HDAC9: variants seen among roughly 807,000 people sequenced by gnomAD.
HDAC9 encodes MEF-2 interacting transcription repressor (MITR) protein.
In HDAC9, 41 loss-of-function variants were observed where a neutral mutation model predicts 139.4. That is an observed-to-expected ratio of 0.29 (90% confidence interval 0.23 to 0.38). HDAC9 has a LOEUF of 0.38. Among genes scored for constraint, HDAC9 ranks in the 10% least tolerant of loss-of-function variants. The probability of loss-of-function intolerance (pLI) is 1.00; values close to 1 mark genes in which losing one functional copy is unlikely to be tolerated. For synonymous variants in HDAC9, 517 were observed against 476.2 expected (o/e 1.09, Z -1.12); for missense variants, 1,147 against 1,297.0 (o/e 0.88, Z 1.78).
intron 2 of HDAC9, among the ~76,000 whole-genome samples, chr7:18,180,071 A>G (rs573279724): frequency 3.0e-4 from 45 of 152,288 alleles, no homozygotes; most frequent in Admixed American, 2.7e-3. Flanking sequence ...TTTTGAGCAC[A>G]TAGAATTATG....
chr7:18,892,330 C>G (rs1800756733), intron 22 of HDAC9: 1 of 152,120 alleles, frequency 6.6e-6, no homozygotes, highest in African/African-American at 2.4e-5. Context: ...ACTACTTAAT[C>G]TTTATAACAA....
At chr7:18,817,106 C>T (rs910765194) in intron 17 of HDAC9, among the ~76,000 whole-genome samples, 13 of 150,432 alleles carry the variant, frequency 8.6e-5, no homozygotes, top group African/African-American at 3.2e-4. Flanking sequence ...GCGATCTGGG[C>T]TCACTGCAAG....
chr7:18,153,632 G>A (rs1786952243), intron 1 of HDAC9, among the ~76,000 whole-genome samples: 1 of 152,140 alleles, frequency 6.6e-6, no homozygotes, highest in Non-Finnish European at 1.5e-5. Flanking sequence ...CGTTACTTGA[G>A]CATGGAAACT....
intron 2 of HDAC9, among the ~76,000 whole-genome samples, chr7:18,252,867 A>C (rs1382386708): frequency 1.3e-5 from 2 of 152,140 alleles, no homozygotes; most frequent in Non-Finnish European, 2.9e-5. Context: ...TTCATCACCC[A>C]GGTATTAAGC....
intron 2 of HDAC9, among the ~76,000 whole-genome samples, chr7:18,177,751 G>A (rs900982317): frequency 6.6e-6 from 1 of 152,160 alleles, no homozygotes; most frequent in Non-Finnish European, 1.5e-5. Flanking sequence ...GGTGTATATA[G>A]AGTGAAGCAG....
intron 2 of HDAC9, among the ~76,000 whole-genome samples, chr7:18,180,308 A>T (rs994440289): frequency 6.6e-6 from 1 of 151,080 alleles, no homozygotes; most frequent in African/African-American, 2.4e-5. Context: ...TGCTGCTGTA[A>T]ATTCATTATA....
intron 1 of HDAC9, among the ~76,000 whole-genome samples, chr7:18,147,625 C>G (rs1786437384): frequency 6.9e-6 from 1 of 145,390 alleles, no homozygotes; most frequent in Non-Finnish European, 1.5e-5. Flanking sequence ...TTTGTCTTAC[C>G]TCAGGACTCA....
At position 18,315,048 on chromosome 7, in the gene HDAC9, G is replaced by A. The variant is rs1393531604; in HGVS notation, c.-42+24533G>A. 3.9e-5 allele frequency among the ~76,000 whole-genome samples: 6 copies of A among 152,190 alleles called. No homozygotes were observed. The East Asian group carries it at 1.2e-3, about 29-fold the overall frequency. On this transcript the variant is annotated intron_variant, in intron 1 of 3. Coordinates refer to the HDAC9 transcript ENST00000413509. ...AACTAAATAATATTAACCACACACA[G>A]GTTGTGATCTGATTGTAGGTATTAG...
chr7:18,303,375 TTGTGTGTGTGTGTGTGTGTG>T lies in HDAC9; in HGVS notation c.-42+12890_-42+12909del, dbSNP rs71014320. 2.2e-3 allele frequency among the ~76,000 whole-genome samples: 282 copies of T among 127,792 alleles called. 2 individuals are homozygous for T. Among genetic ancestry groups the T allele is most frequent in the Middle Eastern group, 3.7e-3 (1 of 268 alleles). The allele number at this position is 127,792 out of a possible 152,430, so 83.8% of individuals were successfully genotyped here. A position where few individuals can be genotyped will look rare whatever the true frequency, so the allele number is the denominator to read the frequency against. On this transcript the variant is annotated intron_variant, in intron 1 of 3. Coordinates refer to the HDAC9 transcript ENST00000413509. ...GCACCCACCGCCACGCCCAGCCAAT[TTGTGTGTGTGTGTGTGTGTG>T]TGTGTGTGTGTGTGTGTGTGTGTGT...
intron 15 of HDAC9, 98 bp downstream of exon 15, chr7:18,762,375 A>G (rs1441040474): frequency 6.5e-6 from 9 of 1,391,626 alleles, no homozygotes; most frequent in Non-Finnish European, 7.9e-6. Context: ...GTAGTGCAAC[A>G]AAAAATCAGT....
At chr7:18,168,796 CTTG>C (rs1000184885) in intron 2 of HDAC9, among the ~76,000 whole-genome samples, 2 of 149,698 alleles carry the variant, frequency 1.3e-5, no homozygotes, top group African/African-American at 4.9e-5. Flanking sequence ...CTGCCTCTAA[CTTG>C]TTGTAGGGTT....
chr7:18,287,892 T>C (rs538302666), upstream of HDAC9, among the ~76,000 whole-genome samples: 2 of 152,312 alleles, frequency 1.3e-5, no homozygotes, highest in South Asian at 4.1e-4. Flanking sequence ...GACCCGGAAG[T>C]TGTGTCCTGC....
chr7:18,478,681 C>T (rs762872865), intron 1 of HDAC9, among the ~76,000 whole-genome samples: 1 of 152,128 alleles, frequency 6.6e-6, no homozygotes, highest in Non-Finnish European at 1.5e-5. Flanking sequence ...ATTGCTACTT[C>T]AAATGAAAAT....
chr7:18,093,170 G>T (rs1782275178), intron 1 of HDAC9, among the ~76,000 whole-genome samples: 1 of 152,238 alleles, frequency 6.6e-6, no homozygotes, highest in African/African-American at 2.4e-5. Context: ...AACTCTGGCA[G>T]TTTAGTTTAT....
At chr7:18,552,066 C>G (rs1053821650) in intron 2 of HDAC9, among the ~76,000 whole-genome samples, 3 of 152,138 alleles carry the variant, frequency 2.0e-5, no homozygotes, top group Non-Finnish European at 4.4e-5. Flanking sequence ...TTGGAATTAT[C>G]AAGTAATCCT....
At chr7:18,278,765 G>A (rs1796910060) in intron 2 of HDAC9, among the ~76,000 whole-genome samples, 1 of 152,128 alleles carries the variant, frequency 6.6e-6, no homozygotes, top group Non-Finnish European at 1.5e-5. Context: ...TTATGCATAT[G>A]AAGGGAGACA....
chr7:18,292,262 A>T (rs763315299), intron 1 of HDAC9, among the ~76,000 whole-genome samples: 37 of 152,264 alleles, frequency 2.4e-4, no homozygotes, highest in Non-Finnish European at 3.8e-4. Flanking sequence ...TAAGGTGCAG[A>T]GAAGCTAAGC....
At position 18,097,428 on chromosome 7, in the gene HDAC9, C is replaced by T. The variant is rs376140516; in HGVS notation, c.-97+10215C>T. ...TTTCCTTATTAGGCTAGAGGCCTGA[C>T]ACCGCTTTACCAAATAAGTTTTATG... On this transcript the variant is annotated intron_variant, in intron 1 of 12. Coordinates refer to the HDAC9 transcript ENST00000417496. Among the ~76,000 whole-genome samples the T allele has an allele frequency of 2.0e-5, 3 of 150,470 alleles. No individual in the cohort carries two copies. In the East Asian group the frequency reaches 5.9e-4, roughly 29 times the overall value.
At chr7:18,992,963 C>G (rs1786111466) in intron 25 of HDAC9, among the ~76,000 whole-genome samples, 1 of 152,122 alleles carries the variant, frequency 6.6e-6, no homozygotes, top group African/African-American at 2.4e-5. Flanking sequence ...CAGCTTGTGT[C>G]TTTGTTAATC....
Sources: allele counts gnomAD v4.1 joint callset (sites outside exome capture counted in the v4.1 genomes callset), GRCh38; gene constraint gnomAD v4.1.1; transcripts MANE v1.5; gene names NCBI Gene and HGNC (gene_info 2026-07-23, HGNC 2026-07-21).